The following GPATCH2 variants were observed in gnomAD, a reference collection of about 807,000 sequenced individuals.
GPATCH2 encodes the protein G-patch domain containing 2.
A neutral mutation model predicts 58.0 loss-of-function variants in GPATCH2; 51 were observed. The observed-to-expected ratio is 0.88, with a 90% confidence interval of 0.70 to 1.11. The LOEUF (loss-of-function observed/expected upper bound fraction) is 1.11. Among genes scored for constraint, GPATCH2 ranks in the 50% most tolerant of loss-of-function variants. The pLI, the probability that GPATCH2 is intolerant of heterozygous loss-of-function variation, is 0.00. For missense variants in GPATCH2, 625 were observed against 652.2 expected (o/e 0.96, Z 0.45); for synonymous variants, 222 against 218.5 (o/e 1.02, Z -0.14).
At chr1:217,506,583 T>C (rs1332638558) in intron 6 of GPATCH2, among the ~76,000 whole-genome samples, 3 of 152,096 alleles carry the variant, frequency 2.0e-5, no homozygotes, top group East Asian at 3.9e-4. Flanking sequence ...AATGTAGAAA[T>C]TGACAGGGAG....
At chr1:217,494,616 G>A (rs1480298513) in intron 7 of GPATCH2, among the ~76,000 whole-genome samples, 4 of 152,012 alleles carry the variant, frequency 2.6e-5, no homozygotes, top group Non-Finnish European at 5.9e-5. Context: ...GCAGGCGCCT[G>A]TAATTAATCC....
At chr1:217,496,342 G>A (rs1245710362) in intron 7 of GPATCH2, among the ~76,000 whole-genome samples, 1 of 152,130 alleles carries the variant, frequency 6.6e-6, no homozygotes, top group African/African-American at 2.4e-5. Flanking sequence ...CCTCTAACAC[G>A]TTTCCAGCTG....
chr1:217,449,422 CA>C, intron 8 of GPATCH2, 85 bp from the exon 9 acceptor site: 1 of 809,202 alleles, frequency 1.2e-6, no homozygotes, highest in East Asian at 2.4e-5. Flanking sequence ...GAACCTAAAT[CA>C]AAACGTTCTC....
chr1:217,523,769 AC>A (rs1401226192), intron 5 of GPATCH2, among the ~76,000 whole-genome samples: 1 of 143,816 alleles, frequency 7.0e-6, no homozygotes, highest in Non-Finnish European at 1.5e-5. Flanking sequence ...GGCGCCCCTC[AC>A]CTCCCGGACG....
At chr1:217,490,334 G>C (rs1019178295) in intron 8 of GPATCH2, among the ~76,000 whole-genome samples, 2 of 152,110 alleles carry the variant, frequency 1.3e-5, no homozygotes, top group African/African-American at 4.8e-5. Context: ...ATATTATTAG[G>C]TGTGGATTTC....
intron 8 of GPATCH2, among the ~76,000 whole-genome samples, chr1:217,490,183 C>A (rs1322063365): frequency 6.6e-6 from 1 of 152,150 alleles, no homozygotes; most frequent in Non-Finnish European, 1.5e-5. Context: ...TTTCATGCAG[C>A]GCAATGAGGA....
chr1:217,589,518 G>A (rs953268069), intron 5 of GPATCH2, among the ~76,000 whole-genome samples: 9 of 152,052 alleles, frequency 5.9e-5, no homozygotes, highest in East Asian at 5.8e-4. Context: ...GACACACTGC[G>A]GTCTTTTGGG....
At chr1:217,469,415 A>G (rs1334331722) in intron 8 of GPATCH2, among the ~76,000 whole-genome samples, 1 of 152,160 alleles carries the variant, frequency 6.6e-6, no homozygotes, top group East Asian at 1.9e-4. Flanking sequence ...AATTCCCACC[A>G]ATATCTTGGT....
At chr1:217,589,874 G>A (rs1193415711) in intron 5 of GPATCH2, among the ~76,000 whole-genome samples, 3 of 152,050 alleles carry the variant, frequency 2.0e-5, no homozygotes, top group Non-Finnish European at 4.4e-5. Context: ...ACAGTAAAAT[G>A]CCTGAATTCT....
intron 9 of GPATCH2, among the ~76,000 whole-genome samples, chr1:217,439,553 C>T (rs981685192): frequency 2.6e-5 from 4 of 151,854 alleles, no homozygotes; most frequent in African/African-American, 9.7e-5. Flanking sequence ...TACGAAAAAC[C>T]CTTCAAAAAA....
At chr1:217,593,894 A>G (rs917459337) in intron 5 of GPATCH2, among the ~76,000 whole-genome samples, 8 of 152,132 alleles carry the variant, frequency 5.3e-5, no homozygotes, top group Non-Finnish European at 7.4e-5. Context: ...TCCTTATTGC[A>G]AAACAAAACA....
At chr1:217,524,564 C>A (rs370714653) in intron 5 of GPATCH2, among the ~76,000 whole-genome samples, 1 of 151,564 alleles carries the variant, frequency 6.6e-6, no homozygotes, top group Non-Finnish European at 1.5e-5. Flanking sequence ...ACTCCAGCCT[C>A]GGCACCATTG....
At chr1:217,517,372 C>T (rs1462059446) in intron 5 of GPATCH2, among the ~76,000 whole-genome samples, 1 of 151,932 alleles carries the variant, frequency 6.6e-6, no homozygotes. Flanking sequence ...CAGTGGTCTG[C>T]CTCAGGAGTA....
intron 5 of GPATCH2, among the ~76,000 whole-genome samples, chr1:217,604,481 TTTC>T (rs1324847233): frequency 6.6e-6 from 1 of 152,138 alleles, no homozygotes; most frequent in Non-Finnish European, 1.5e-5. Context: ...TTAAAAACAC[TTTC>T]TTCTTGTATT....
At chr1:217,596,572 C>T (rs924411556) in intron 5 of GPATCH2, among the ~76,000 whole-genome samples, 1 of 152,032 alleles carries the variant, frequency 6.6e-6, no homozygotes, top group African/African-American at 2.4e-5. Context: ...TAAATGTTAG[C>T]TATTATAATG....
rs1343125429 is a variant in GPATCH2, at chr1:217,431,216, A to G, written c.1516T>C (p.Leu506=). 6.2e-7 allele frequency: 1 copy of G among 1,611,612 alleles called. No individual in the cohort carries two copies. Among genetic ancestry groups the G allele is most frequent in the Admixed American group, 1.7e-5 (1 of 60,000 alleles). ...TTTGGTAGAGGAAATCCAAGTCCTA[A>G]TCCCTTTGGCCTCTGCATGGCTTGA... The part of the protein sequence containing the change: ...PIQAMQRPKG[L]GLGFPLPKST... The change falls in exon 10 of 10, where the codon TTA becomes CTA. Residue 506 remains leucine (L), a synonymous_variant. Transcript: ENST00000366935.
Position 217,452,409 on chromosome 1 carries a change from CA to C in GPATCH2, c.1278-3073del, listed in dbSNP as rs1659709025. 2.6e-5 allele frequency among the ~76,000 whole-genome samples: 4 copies of C among 152,236 alleles called. No homozygotes were observed. The South Asian group carries it at 8.3e-4, about 32-fold the overall frequency. ...GCCAGGGCACGTTTCTTAAGAAACA[CA>C]TTTTTAGAAATAATCAGAAGAAATA... On this transcript the variant is annotated intron_variant, in intron 8 of 9. Transcript: ENST00000366935.
At chr1:217,595,023 G>T (rs1339170230) in intron 5 of GPATCH2, among the ~76,000 whole-genome samples, 4 of 152,160 alleles carry the variant, frequency 2.6e-5, no homozygotes, top group Non-Finnish European at 5.9e-5. Context: ...AGGAAAGAGG[G>T]TGACTCTGAG....
intron 5 of GPATCH2, among the ~76,000 whole-genome samples, chr1:217,529,502 A>G (rs151124978): frequency 1.3e-5 from 2 of 152,302 alleles, no homozygotes; most frequent in East Asian, 1.9e-4. Context: ...CTCTTCACAC[A>G]TGTCTGTTTC....
Sources: gnomAD v4.1 joint callset for allele counts (sites outside exome capture counted in the v4.1 genomes callset) on GRCh38, gnomAD v4.1.1 for gene constraint, MANE v1.5 for transcripts, NCBI Gene and HGNC (gene_info 2026-07-23, HGNC 2026-07-21) for gene names.